Variants in RHEX observed in about 807,000 individuals in gnomAD.
The protein encoded by RHEX is regulator of hemoglobinization and erythroid cell expansion protein.
RHEX carries 18 observed loss-of-function variants against 20.1 expected under a neutral mutation model. The ratio of observed to expected loss-of-function variants is 0.90; its 90% CI spans 0.62 to 1.33. The LOEUF is 1.33. Ranked by LOEUF, RHEX falls within the 40% of genes most tolerant of loss-of-function variation. The pLI is 0.00. For synonymous variants in RHEX, 87 were observed against 77.1 expected, an observed-to-expected ratio of 1.13 and a Z score of -0.67; for missense variants, 192 against 214.3, an observed-to-expected ratio of 0.90 and a Z score of 0.65.
At chr1:206,060,920 T>G (rs1662298005) in intron 1 of RHEX, 1 of 151,974 alleles carries the variant, frequency 6.6e-6, no homozygotes, top group African/African-American at 2.4e-5. Flanking sequence ...TATGGGGCAG[T>G]CTTGTCGGGG....
intron 1 of RHEX, among the ~76,000 whole-genome samples, chr1:206,064,623 C>T (rs1662383366): frequency 6.8e-6 from 1 of 147,866 alleles, no homozygotes. Flanking sequence ...GCCCCTCTGC[C>T]CGGCCGGCCG....
At chr1:206,064,385 A>C (rs1383042764) in intron 1 of RHEX, among the ~76,000 whole-genome samples, 1 of 104,030 alleles carries the variant, frequency 9.6e-6, no homozygotes, top group Non-Finnish European at 1.9e-5. Flanking sequence ...TCCGGGAGGG[A>C]GGTGGGGGGG....
At chr1:206,059,823 C>T (rs1209482774) in intron 1 of RHEX, among the ~76,000 whole-genome samples, 1 of 152,106 alleles carries the variant, frequency 6.6e-6, no homozygotes, top group Non-Finnish European at 1.5e-5. Flanking sequence ...GAAATTCTTT[C>T]CTGGTGTGAA....
intron 1 of RHEX, among the ~76,000 whole-genome samples, chr1:206,087,033 G>A (rs545894949): frequency 1.3e-5 from 2 of 152,182 alleles, no homozygotes; most frequent in East Asian, 3.9e-4. Flanking sequence ...CCACAAAACA[G>A]ATGTCATCCC....
intron 1 of RHEX, among the ~76,000 whole-genome samples, chr1:206,063,602 C>T (rs34775252): frequency 3.5e-4 from 53 of 152,352 alleles, no homozygotes; most frequent in Admixed American, 6.5e-4. Flanking sequence ...CTGTGTTGGC[C>T]GGGCTGGTCT....
chr1:206,077,046 T>C (rs1386511339), intron 1 of RHEX, among the ~76,000 whole-genome samples: 1 of 152,244 alleles, frequency 6.6e-6, no homozygotes, highest in African/African-American at 2.4e-5. Context: ...AGGTGCTGTG[T>C]TACATATGCA....
intron 1 of RHEX, among the ~76,000 whole-genome samples, chr1:206,076,216 A>G (rs1211272529): frequency 3.3e-5 from 5 of 151,338 alleles, no homozygotes; most frequent in Non-Finnish European, 5.9e-5. Context: ...GTGCTGTGGC[A>G]TGGTCACAGC....
At chr1:206,079,935 G>A (rs1406549366) in intron 1 of RHEX, among the ~76,000 whole-genome samples, 1 of 152,204 alleles carries the variant, frequency 6.6e-6, no homozygotes, top group Non-Finnish European at 1.5e-5. Flanking sequence ...CAAACATCCT[G>A]AAAGCCTGGT....
rs1553284316 is a variant in RHEX at position 206,067,904 on chromosome 1, G to T, written c.-97+14639G>T. ...GCCCCAGCCAGTTGCACCTGCAACA[G>T]ATGACAGCTACTTCTGTCTTCTAAG... On this transcript the variant is annotated intron_variant, in intron 1 of 5. Transcript: ENST00000331555. This position sits in a 1 kb window ranked among gnomAD's most constrained non-coding sequence, Gnocchi z 4.6. Among the ~76,000 whole-genome samples the T allele has an allele frequency of 2.0e-5, 3 of 152,230 alleles. No individual in the cohort carries two copies. Among genetic ancestry groups the T allele is most frequent in the African/African-American group, 7.2e-5 (3 of 41,460 alleles).
chr1:206,064,455 G>A (rs1347589314), intron 1 of RHEX, among the ~76,000 whole-genome samples: 7 of 47,062 alleles, frequency 1.5e-4, no homozygotes, highest in African/African-American at 3.7e-4. Context: ...TCAGCCCCCC[G>A]CCCGACCAGC....
intron 1 of RHEX, among the ~76,000 whole-genome samples, chr1:206,095,234 G>A (rs1663040404): frequency 6.6e-6 from 1 of 152,096 alleles, no homozygotes; most frequent in Non-Finnish European, 1.5e-5. Flanking sequence ...AACAAATCAT[G>A]TCCCAGTTTA....
chr1:206,098,145 C>T lies in RHEX; in HGVS notation c.76C>T (p.Leu26Phe). The change falls in exon 3 of 6, where the codon CTC becomes TTC. Residue 26 changes from leucine (L) to phenylalanine (F), a missense_variant. Coordinates refer to ENST00000331555, the MANE Select transcript of RHEX (RefSeq NM_001007544.4). Reference sequence around the variant, plus strand: ...GTCCCTCTTCCTGCAGGCCTGCTTCCTCACCGCCATCAACTACCTGCTCAG... The same window carrying T: ...GTCCCTCTTCCTGCAGGCCTGCTTCTTCACCGCCATCAACTACCTGCTCAG... ...VVSLFLQACF[L>F]TAINYLLSRH... 2 of 1,614,020 alleles carry T rather than the reference C, an allele frequency of 1.2e-6. No homozygotes were observed. Among genetic ancestry groups the T allele is most frequent in the Non-Finnish European group, 8.5e-7 (1 of 1,179,890 alleles).
intron 1 of RHEX, among the ~76,000 whole-genome samples, chr1:206,084,851 A>G (rs1168132746): frequency 6.6e-6 from 1 of 152,210 alleles, no homozygotes; most frequent in Non-Finnish European, 1.5e-5. Context: ...ACTAGTCTGC[A>G]CAGGTTACAA....
At chr1:206,098,477 C>T (rs533576142) in intron 3 of RHEX, 105 of 334,402 alleles carry the variant, frequency 3.1e-4, no homozygotes, top group African/African-American at 2.0e-3. Context: ...AGGAAGTGCT[C>T]GTGTAACCTG....
At chr1:206,097,358 G>A (rs1431406996) in intron 1 of RHEX, among the ~76,000 whole-genome samples, 3 of 152,130 alleles carry the variant, frequency 2.0e-5, no homozygotes, top group Admixed American at 1.3e-4. Flanking sequence ...ATGCATGGAC[G>A]AATGGAGAGA....
chr1:206,096,860 G>A lies in RHEX; in HGVS notation c.-96-873G>A, dbSNP rs1375769089. Among the ~76,000 whole-genome samples the A allele has an allele frequency of 6.1e-5, 9 of 146,874 alleles. No homozygotes were observed. The East Asian group carries it at 1.2e-3, about 20-fold the overall frequency. On this transcript the variant is annotated intron_variant, in intron 1 of 5. Coordinates refer to ENST00000331555, the MANE Select transcript of RHEX (RefSeq NM_001007544.4). ...CACCATCTCACTTCACTGAAGTCTC[G>A]ACCTCCTGGGATCAAGCGATCCTCC... is the stretch of plus-strand genomic sequence containing the variant.
At chr1:206,096,781 G>GTTTTTT (rs1212622253) in intron 1 of RHEX, among the ~76,000 whole-genome samples, 76 of 132,910 alleles carry the variant, frequency 5.7e-4, no homozygotes, top group Middle Eastern at 3.9e-3. Context: ...TTTTTTTTTG[G>GTTTTTT]TTTTTTTTTT....
At chr1:206,054,372 A>G in intron 1 of RHEX, among the ~76,000 whole-genome samples, 1 of 152,382 alleles carries the variant, frequency 6.6e-6, no homozygotes, top group East Asian at 1.9e-4. Flanking sequence ...TTAAAAAAAC[A>G]GTTTATGTGC....
rs80219221 is a variant in RHEX, at chr1:206,067,180, T to G, written c.-97+13915T>G. Among the ~76,000 whole-genome samples the G allele has an allele frequency of 0.016, 2,507 of 152,252 alleles. 77 individuals carry two copies. Among genetic ancestry groups the G allele is most frequent in the African/African-American group, 0.057 (2,374 of 41,522 alleles). ...ACTGAGGCATATCTAACCTCCTATC[T>G]CATCAAAGCCAGGGAAACTTAAAGT... On this transcript the variant is annotated intron_variant, in intron 1 of 5. Coordinates refer to ENST00000331555, the MANE Select transcript of RHEX (RefSeq NM_001007544.4). This position sits in a 1 kb window ranked among gnomAD's most constrained non-coding sequence, Gnocchi z 4.6.
Sources: allele counts gnomAD v4.1 joint callset (sites outside exome capture counted in the v4.1 genomes callset), GRCh38; gene constraint gnomAD v4.1.1; non-coding constraint Gnocchi (gnomAD v3.1); transcripts MANE v1.5; gene names NCBI Gene and HGNC (gene_info 2026-07-23, HGNC 2026-07-21).